FCRL4: variants seen among roughly 807,000 people sequenced by gnomAD.
FCRL4 encodes the protein Fc receptor like 4, also known as Fc receptor-like protein 4.
FCRL4 carries 43 observed loss-of-function variants against 64.1 expected under a neutral mutation model. That is an observed-to-expected ratio of 0.67 (90% confidence interval 0.53 to 0.87). The LOEUF is 0.87. FCRL4 is among the 40% of genes least tolerant of loss of function. FCRL4 has a pLI of 0.00. For synonymous variants in FCRL4, 253 were observed against 239.8 expected (o/e 1.05, Z -0.51); for missense variants, 656 against 613.5 (o/e 1.07, Z -0.73).
rs1270923345 is a variant in FCRL4, at chr1:157,584,587, C to T, written c.1135+1581G>A. ...ACATTAGCTCAGTCTCAGTCCTTCT[C>T]TGCTGGGAATTACACCCAGTGATGT... On this transcript the variant is annotated intron_variant, in intron 6 of 11. Transcript: ENST00000271532. 3.3e-5 allele frequency among the ~76,000 whole-genome samples: 5 copies of T among 151,868 alleles called. 1 individual carries two copies. Among genetic ancestry groups the T allele is most frequent in the African/African-American group, 1.2e-4 (5 of 41,350 alleles).
rs1251216952 is a variant in FCRL4 at position 157,575,466 on chromosome 1, G to T, written c.*58C>A. 2.2e-6 allele frequency: 3 copies of T among 1,347,650 alleles called. No homozygotes were observed. The African/African-American group carries it at 4.3e-5, about 19-fold the overall frequency. 83.5% of individuals were successfully genotyped at this position (1,347,650 alleles called of 1,614,324 possible). ...GGCCGCAAGGACTGCACTGGGCCTG[G>T]GACTTTGGACAAGGGAGAAATCACA... On this transcript the variant is annotated 3_prime_UTR_variant, in exon 12 of 12. Coordinates refer to ENST00000271532, the MANE Select transcript of FCRL4 (RefSeq NM_031282.3).
intron 5 of FCRL4, among the ~76,000 whole-genome samples, chr1:157,586,681 C>G (rs565727581): frequency 1.3e-5 from 2 of 152,116 alleles, no homozygotes; most frequent in Admixed American, 6.5e-5. Flanking sequence ...AAGGACTAAC[C>G]CTGAAGAAGC....
Position 157,587,901 on chromosome 1 carries a change from C to T in FCRL4, c.526G>A (p.Val176Ile), listed in dbSNP as rs1652740359. 1.2e-6 allele frequency: 2 copies of T among 1,609,348 alleles called. No individual in the cohort carries two copies. Among genetic ancestry groups the T allele is most frequent in the Non-Finnish European group, 1.7e-6 (2 of 1,176,438 alleles). ...RCIGYGDEND[V>I]FRSNFKIIKI... ...ATTATTTTGAAATTTGATCTAAATA[C>T]ATCATTCTCGTCTCCATATCCAATG... Residue 176 changes from valine (V) to isoleucine (I), a missense_variant, in exon 4 of 12, where the codon GTA becomes ATA. Physicochemically the swap from Val to Ile is conservative, Grantham distance 29. Transcript: ENST00000271532.
chr1:157,587,769 C>T, intron 4 of FCRL4, 96 bp downstream of exon 4: 1 of 1,301,722 alleles, frequency 7.7e-7, no homozygotes, highest in Middle Eastern at 2.8e-4. Context: ...CTCATCTATC[C>T]AGAGTTTCAA....
In FCRL4 at chr1:157,587,378, G is replaced by A; in HGVS notation, c.745C>T (p.Pro249Ser). 6.2e-7 allele frequency: 1 copy of A among 1,614,196 alleles called. No individual in the cohort carries two copies. Among genetic ancestry groups the A allele is most frequent in the Non-Finnish European group, 8.5e-7 (1 of 1,180,034 alleles). ...CCTGAGTTTTCTCTCCAGACGGTTG[G>A]GAGCTGGAGTTCCGGGTACGTGCTC... ...DWSTYPELQLPTVWRENSGSY... is the reference protein window; with the variant it reads ...DWSTYPELQLSTVWRENSGSY... Residue 249 changes from proline to serine, a missense_variant, in exon 5 of 12, where the codon CCA becomes TCA. Pro to Ser is a moderately conservative substitution (Grantham distance 74). Coordinates refer to ENST00000271532, the MANE Select transcript of FCRL4 (RefSeq NM_031282.3).
At chr1:157,591,766 A>G (rs1350594877) in intron 2 of FCRL4, among the ~76,000 whole-genome samples, 1 of 152,206 alleles carries the variant, frequency 6.6e-6, no homozygotes, top group Non-Finnish European at 1.5e-5. Context: ...TAAGAGGCTT[A>G]ATTCTCCCTG....
chr1:157,594,228 A>C (rs759035937), intron 2 of FCRL4, among the ~76,000 whole-genome samples: 1 of 152,234 alleles, frequency 6.6e-6, no homozygotes, highest in Non-Finnish European at 1.5e-5. Flanking sequence ...TAACTTTCCC[A>C]CCTACATGAT....
Position 157,577,268 on chromosome 1 carries a change from C to G in FCRL4, c.1429+1206G>C, listed in dbSNP as rs543914972. Among the ~76,000 whole-genome samples, 14 of 152,266 alleles carry G rather than the reference C, an allele frequency of 9.2e-5. No homozygotes were observed. The South Asian group carries it at 2.9e-3, about 32-fold the overall frequency. ...TTCTGAAGTGATTTTGAAGTGATTT[C>G]CCTGATACTGGGATATAGAGCTCCC... On this transcript the variant is annotated intron_variant, in intron 10 of 11. Transcript: ENST00000271532.
At position 157,593,311 on chromosome 1, in the gene FCRL4, A is replaced by G. The variant is rs143917093; in HGVS notation, c.52+3017T>C. 1.4e-4 allele frequency among the ~76,000 whole-genome samples: 22 copies of G among 152,294 alleles called. No individual in the cohort carries two copies. In the South Asian group the frequency reaches 2.3e-3, roughly 16 times the overall value. ...GGGAACCACCTTTTTGAATACAAAC[A>G]TCTAGAGAGATAGTTCCTCCGTCTC... On this transcript the variant is annotated intron_variant, in intron 2 of 11. Transcript: ENST00000271532.
chr1:157,586,555 A>G lies in FCRL4; in HGVS notation c.848-100T>C, dbSNP rs1652701945. The G allele has an allele frequency of 1.4e-5, 15 of 1,042,034 alleles. No homozygotes were observed. The South Asian group carries it at 2.0e-4, about 14-fold the overall frequency. The allele number at this position is 1,042,034 out of a possible 1,614,324, so 64.5% of individuals were successfully genotyped here. A position where few individuals can be genotyped will look rare whatever the true frequency, so the allele number is the denominator to read the frequency against. Reference sequence around the variant, plus strand: ...GGGTTACTTTTTATGTGACTTCAAGATATACTCTTCAGCAGGCACTAGCAT... The same window carrying G: ...GGGTTACTTTTTATGTGACTTCAAGGTATACTCTTCAGCAGGCACTAGCAT... On this transcript the variant is annotated intron_variant, in intron 5 of 11. Coordinates refer to ENST00000271532, the MANE Select transcript of FCRL4 (RefSeq NM_031282.3).
chr1:157,586,185 A>G lies in FCRL4; in HGVS notation c.1118T>C (p.Leu373Pro). ...AAACTCACCTCTCACAGTGACATTC[A>G]GCACCATGCTCTGGACAGGGCCGTA... Reference protein sequence around the residue: ...NSYGPVQSMVLNVTVRETPGN... With the variant: ...NSYGPVQSMVPNVTVRETPGN... Residue 373 changes from leucine to proline, a missense_variant, in exon 6 of 12, where the codon CTG becomes CCG. Transcript: ENST00000271532. 1.2e-6 allele frequency: 2 copies of G among 1,609,844 alleles called. No individual in the cohort carries two copies. Among genetic ancestry groups the G allele is most frequent in the Non-Finnish European group, 1.7e-6 (2 of 1,176,646 alleles).
At chr1:157,579,427 T>C (rs1652497740) in intron 8 of FCRL4, among the ~76,000 whole-genome samples, 2 of 151,752 alleles carry the variant, frequency 1.3e-5, no homozygotes, top group African/African-American at 4.8e-5. Flanking sequence ...TGTCTTTACT[T>C]TACTGTTGGC....
chr1:157,576,157 T>A (rs1018913431), intron 10 of FCRL4, among the ~76,000 whole-genome samples: 2 of 152,212 alleles, frequency 1.3e-5, no homozygotes, highest in African/African-American at 4.8e-5. Flanking sequence ...AAGTTCTAGT[T>A]CTTGATTTTT....
chr1:157,588,113 A>T lies in FCRL4; in HGVS notation c.314T>A (p.Leu105Ter). 6.2e-7 allele frequency: 1 copy of T among 1,606,812 alleles called. No individual in the cohort carries two copies. The highest frequency in any genetic ancestry group is 2.2e-5 in the East Asian group (1 of 44,792). Residue 105 changes from leucine (L) to a stop codon, truncating the protein, a stop_gained, in exon 4 of 12, where the codon TTA becomes TAA. Coordinates refer to ENST00000271532, the MANE Select transcript of FCRL4 (RefSeq NM_031282.3). LOFTEE classifies it high-confidence loss of function. ...CACAGAATATGGTGCCTGCAGGATT[A>T]AGGAGTCTGGAAAAGACACAGAGAG... ...PVRLLFSSDS[L>*]ILQAPYSVFE...
chr1:157,579,575 G>A (rs1652503294), intron 8 of FCRL4, among the ~76,000 whole-genome samples: 1 of 152,132 alleles, frequency 6.6e-6, no homozygotes, highest in East Asian at 1.9e-4. Flanking sequence ...AAATTAGCTA[G>A]ATGTGGTGGC....
Position 157,586,219 on chromosome 1 carries a change from C to G in FCRL4, c.1084G>C (p.Asp362His). Residue 362 changes from aspartate (D) to histidine (H), a missense_variant, in exon 6 of 12, where the codon GAC becomes CAC. By Grantham distance (81) the Asp-to-His change is moderately conservative. Transcript: ENST00000271532. ...SHAGGYYCTA[D>H]NSYGPVQSMV... is the part of the protein sequence containing the mutation. ...CTCTGGACAGGGCCGTAGCTGTTGT[C>G]TGCTGTACAGTAGTATCCCCCTGCA... The G allele has an allele frequency of 6.2e-7, 1 of 1,614,116 alleles. No individual in the cohort carries two copies. The highest frequency in any genetic ancestry group is 8.5e-7 in the Non-Finnish European group (1 of 1,179,984).
intron 2 of FCRL4, among the ~76,000 whole-genome samples, chr1:157,594,956 T>A (rs992245282): frequency 1.2e-4 from 19 of 152,232 alleles, no homozygotes; most frequent in Admixed American, 3.3e-4. Context: ...TGGACTGCAG[T>A]GGCCTGATCT....
At chr1:157,593,163 C>G (rs1021727115) in intron 2 of FCRL4, among the ~76,000 whole-genome samples, 7 of 152,232 alleles carry the variant, frequency 4.6e-5, no homozygotes, top group African/African-American at 1.7e-4. Flanking sequence ...TGCAGCAAAC[C>G]AACATGGCAC....
chr1:157,575,461 G>T lies in FCRL4; in HGVS notation c.*63C>A. The T allele has an allele frequency of 7.9e-7, 1 of 1,270,890 alleles. No individual in the cohort carries two copies. The highest frequency in any genetic ancestry group is 1.1e-6 in the Non-Finnish European group (1 of 879,028). The allele number at this position is 1,270,890 out of a possible 1,614,324, so 78.7% of individuals were successfully genotyped here. A position where few individuals can be genotyped will look rare whatever the true frequency, so the allele number is the denominator to read the frequency against. On this transcript the variant is annotated 3_prime_UTR_variant, in exon 12 of 12. Coordinates refer to ENST00000271532, the MANE Select transcript of FCRL4 (RefSeq NM_031282.3). The stretch of plus-strand genomic sequence containing the variant: ...CCAGGGGCCGCAAGGACTGCACTGG[G>T]CCTGGGACTTTGGACAAGGGAGAAA...
Sources: allele counts gnomAD v4.1 joint callset (sites outside exome capture counted in the v4.1 genomes callset), GRCh38; gene constraint gnomAD v4.1.1; transcripts MANE v1.5; gene names NCBI Gene and HGNC (gene_info 2026-07-23, HGNC 2026-07-21).